Variants in ANK3 observed in about 807,000 individuals in gnomAD.
The protein encoded by ANK3 is ankyrin 3.
ANK3 carries 57 observed loss-of-function variants against 370.9 expected under a neutral mutation model. The observed-to-expected ratio is 0.15, with a 90% CI of 0.12 to 0.19. ANK3 has a LOEUF of 0.19. Among genes scored for constraint, ANK3 ranks in the 10% least tolerant of loss-of-function variants. The pLI is 1.00. For missense variants in ANK3, 4,439 were observed against 5,302.1 expected (o/e 0.84, Z 5.06); for synonymous variants, 1,929 against 1,946.3 (o/e 0.99, Z 0.23).
chr10:60,300,369 T>A lies in ANK3; in HGVS notation c.115-20730A>T, dbSNP rs1290413323. 3.9e-6 allele frequency: 5 copies of A among 1,289,642 alleles called. No homozygotes were observed. The East Asian group carries it at 2.8e-4, about 72-fold the overall frequency. The allele number at this position is 1,289,642 out of a possible 1,614,324, so 79.9% of individuals were successfully genotyped here. On this transcript the variant is annotated intron_variant, in intron 1 of 43. Transcript: ENST00000280772. The stretch of plus-strand genomic sequence containing the variant: ...TCCACTGCCATTCTCTGTGGCCAAG[T>A]AAGAAACCTGATAACTCAATTAGTT...
chr10:60,040,570 C>T (rs545167913), intron 43 of ANK3, among the ~76,000 whole-genome samples: 4 of 152,158 alleles, frequency 2.6e-5, no homozygotes, highest in Non-Finnish European at 5.9e-5. Flanking sequence ...TTGAGTGGTG[C>T]AGCAAGTGAG....
intron 1 of ANK3, among the ~76,000 whole-genome samples, chr10:60,718,566 A>G (rs952405163): frequency 5.3e-5 from 8 of 152,156 alleles, no homozygotes; most frequent in Admixed American, 2.0e-4. Flanking sequence ...CTATAAAAAC[A>G]TGTTTGTGCT....
chr10:60,612,478 TG>T (rs2133319346), intron 2 of ANK3, among the ~76,000 whole-genome samples: 1 of 152,172 alleles, frequency 6.6e-6, no homozygotes, highest in East Asian at 1.9e-4. Flanking sequence ...TTGTTGTTGT[TG>T]TTTTGTTGGT....
At chr10:60,345,021 T>G (rs553633358) in intron 1 of ANK3, among the ~76,000 whole-genome samples, 3 of 152,170 alleles carry the variant, frequency 2.0e-5, no homozygotes, top group Non-Finnish European at 4.4e-5. Context: ...GGTTTGCTAG[T>G]AAATGTCCTT....
chr10:60,497,445 A>G (rs1364225716), intron 2 of ANK3, among the ~76,000 whole-genome samples: 1 of 152,210 alleles, frequency 6.6e-6, no homozygotes, highest in Non-Finnish European at 1.5e-5. Context: ...AAAACACACA[A>G]AGTGAAGTCC....
At chr10:60,307,980 T>C (rs1310056197) in intron 1 of ANK3, among the ~76,000 whole-genome samples, 1 of 152,224 alleles carries the variant, frequency 6.6e-6, no homozygotes, top group Non-Finnish European at 1.5e-5. Context: ...TCCTGAAAAC[T>C]TGTAGTAACA....
At chr10:60,407,995 C>G (rs1338726299) in intron 2 of ANK3, among the ~76,000 whole-genome samples, 1 of 152,200 alleles carries the variant, frequency 6.6e-6, no homozygotes, top group East Asian at 1.9e-4. Context: ...ATAACTTTTG[C>G]TGACTTGCCC....
intron 1 of ANK3, among the ~76,000 whole-genome samples, chr10:60,354,811 A>G (rs1389601537): frequency 6.6e-6 from 1 of 152,204 alleles, no homozygotes; most frequent in Non-Finnish European, 1.5e-5. Context: ...GTGGAATGTT[A>G]TTATAATACA....
intron 7 of ANK3, among the ~76,000 whole-genome samples, chr10:60,246,270 A>G (rs1490353803): frequency 6.7e-6 from 1 of 148,954 alleles, no homozygotes; most frequent in African/African-American, 2.4e-5. Context: ...AAAAAAAAAA[A>G]AAAAAAAAAA....
At chr10:60,619,013 G>A (rs1055668645) in intron 1 of ANK3, among the ~76,000 whole-genome samples, 5 of 151,998 alleles carry the variant, frequency 3.3e-5, no homozygotes, top group Non-Finnish European at 7.4e-5. Context: ...GTGGTTCCTA[G>A]AATAAAATTA....
At position 60,278,803 on chromosome 10, in the gene ANK3, T is replaced by C. The variant is rs753986742; in HGVS notation, c.385A>G (p.Asn129Asp). The C allele has an allele frequency of 6.2e-7, 1 of 1,613,886 alleles. No individual in the cohort carries two copies. Among genetic ancestry groups the C allele is most frequent in the Admixed American group, 1.7e-5 (1 of 60,000 alleles). ...QAEVVKVLVT[N>D]GANVNAQSQN... The stretch of plus-strand genomic sequence containing the variant: ...GATTGTGCATTGACATTGGCTCCAT[T>C]TGTAACCAAGACTTTTACCACCTCT... The change falls in exon 4 of 44, where the codon AAT (asparagine) becomes GAT (aspartate). Residue 129 changes from asparagine (N) to aspartate (D), a missense_variant. Physicochemically the swap from Asn to Asp is conservative, Grantham distance 23. Coordinates refer to ENST00000280772, the MANE Select transcript of ANK3 (RefSeq NM_020987.5).
chr10:60,542,717 G>A lies in ANK3; in HGVS notation c.96+72469C>T, dbSNP rs75679967. Among the ~76,000 whole-genome samples the A allele has an allele frequency of 1.4e-4, 22 of 152,048 alleles. No individual in the cohort carries two copies. The East Asian group carries it at 3.7e-3, about 25-fold the overall frequency. On this transcript the variant is annotated intron_variant, in intron 2 of 43. Transcript: ENST00000373827. ...GATAATCAGAGAACAAAACCAGAAC[G>A]TGAGGTTTATCTCTCCTGCCTTGAA... is the stretch of plus-strand genomic sequence containing the variant.
intron 14 of ANK3, 112 bp downstream of exon 14, chr10:60,198,228 G>C (rs956238602): frequency 9.7e-6 from 10 of 1,035,318 alleles, no homozygotes; most frequent in Non-Finnish European, 1.3e-5. Context: ...ACTACTGTGG[G>C]ATCGCAAGAA....
intron 1 of ANK3, among the ~76,000 whole-genome samples, chr10:60,385,618 G>A (rs746955209): frequency 6.6e-6 from 1 of 152,096 alleles, no homozygotes; most frequent in Non-Finnish European, 1.5e-5. Flanking sequence ...CTCTGTCACT[G>A]ATTAACTGTA....
chr10:60,625,061 G>C (rs1307457606), intron 1 of ANK3, among the ~76,000 whole-genome samples: 1 of 152,086 alleles, frequency 6.6e-6, no homozygotes, highest in East Asian at 1.9e-4. Flanking sequence ...TACCCACCAT[G>C]TGCTGTAGCC....
rs1005911174 is a variant in ANK3 at position 60,091,646 on chromosome 10, C to G, written c.3329-3288G>C. On this transcript the variant is annotated intron_variant, in intron 28 of 43. Transcript: ENST00000280772. ...GACAAAGAGCGACTGCCCTGTATAA[C>G]CTGCGGAAATTGCTGTACACCTGAG... Among the ~76,000 whole-genome samples, 6 of 152,182 alleles carry G rather than the reference C, an allele frequency of 3.9e-5. No individual in the cohort carries two copies. The South Asian group carries it at 1.2e-3, about 32-fold the overall frequency.
At chr10:60,231,285 A>C (rs2097239829) in intron 8 of ANK3, among the ~76,000 whole-genome samples, 1 of 152,210 alleles carries the variant, frequency 6.6e-6, no homozygotes, top group South Asian at 2.1e-4. Context: ...GAGCTCTAAG[A>C]ATCTTCTTTT....
chr10:60,135,970 C>G lies in ANK3; in HGVS notation c.2739-1597G>C, dbSNP rs539466273. On this transcript the variant is annotated intron_variant, in intron 24 of 43. Coordinates refer to ENST00000280772, the MANE Select transcript of ANK3 (RefSeq NM_020987.5). ...TCATTATTTAATGTATTCAGCAAAACTTACTAAAAGACCATTATAAGCATA... is the reference window on the plus strand; with the variant it reads ...TCATTATTTAATGTATTCAGCAAAAGTTACTAAAAGACCATTATAAGCATA... 1.1e-4 allele frequency among the ~76,000 whole-genome samples: 17 copies of G among 151,868 alleles called. No homozygotes were observed. The South Asian group carries it at 3.5e-3, about 32-fold the overall frequency.
At chr10:60,513,132 G>A (rs2076130603) in intron 2 of ANK3, among the ~76,000 whole-genome samples, 1 of 152,036 alleles carries the variant, frequency 6.6e-6, no homozygotes, top group South Asian at 2.1e-4. Flanking sequence ...CCTCCCTCAT[G>A]AGATTAATAA....
Sources: gnomAD v4.1 joint callset for allele counts (sites outside exome capture counted in the v4.1 genomes callset) on GRCh38, gnomAD v4.1.1 for gene constraint, MANE v1.5 for transcripts, NCBI Gene and HGNC (gene_info 2026-07-23, HGNC 2026-07-21) for gene names.